Variants in SPATA22 observed in about 807,000 individuals in gnomAD.
SPATA22 encodes spermatogenesis associated 22.
SPATA22 carries 29 observed loss-of-function variants against 47.8 expected under a neutral mutation model. The observed-to-expected ratio is 0.61, with a 90% CI of 0.45 to 0.83. The LOEUF (loss-of-function observed/expected upper bound fraction) is 0.83. SPATA22 is among the 40% of genes least tolerant of loss of function. The pLI, the probability that SPATA22 is intolerant of heterozygous loss-of-function variation, is 0.00. For missense variants in SPATA22, 410 were observed against 421.7 expected (o/e 0.97, Z 0.24); for synonymous variants, 133 against 140.9 (o/e 0.94, Z 0.40).
At chr17:3,473,045 T>C (rs557532478), upstream of SPATA22, among the ~76,000 whole-genome samples, 5 of 150,624 alleles carry the variant, frequency 3.3e-5, no homozygotes, top group Non-Finnish European at 5.9e-5. Context: ...TGACTTGATA[T>C]CTACATACGG....
chr17:3,509,151 T>C (rs1271012777), intron 1 of SPATA22, among the ~76,000 whole-genome samples: 1 of 151,990 alleles, frequency 6.6e-6, no homozygotes, highest in Non-Finnish European at 1.5e-5. Context: ...CTCAAAATAA[T>C]TTGACAGCCA....
At chr17:3,477,025 GGT>G (rs1567609009) in intron 1 of SPATA22, among the ~76,000 whole-genome samples, 6 of 151,850 alleles carry the variant, frequency 4.0e-5, no homozygotes, top group Non-Finnish European at 8.8e-5. Context: ...CGTAGTGGCG[GGT>G]GCCTGTAGTC....
At position 3,454,749 on chromosome 17, in the gene SPATA22, G is replaced by A. The variant is rs536522263; in HGVS notation, c.330-5600C>T. 1.3e-4 allele frequency among the ~76,000 whole-genome samples: 19 copies of A among 151,994 alleles called. No individual in the cohort carries two copies. The East Asian group carries it at 2.1e-3, about 17-fold the overall frequency. ...AGTCTTTGCTATTGTGAATAGTGCC[G>A]CAATAAACATGCGTGTGCATGTGTC... On this transcript the variant is annotated intron_variant, in intron 5 of 8. Coordinates refer to ENST00000572969, the MANE Select transcript of SPATA22 (RefSeq NM_001170698.2).
At chr17:3,466,339 A>G (rs950268908) in intron 3 of SPATA22, among the ~76,000 whole-genome samples, 2 of 152,024 alleles carry the variant, frequency 1.3e-5, no homozygotes, top group Non-Finnish European at 1.5e-5. Flanking sequence ...TTCCTCTTCC[A>G]GAGGAAAGTA....
At chr17:3,443,669 G>T (rs1362359350) in intron 7 of SPATA22, among the ~76,000 whole-genome samples, 1 of 151,948 alleles carries the variant, frequency 6.6e-6, no homozygotes, top group Non-Finnish European at 1.5e-5. Context: ...AGAATCAGGA[G>T]ACATGCATTC....
rs188976748 is a variant in SPATA22, at chr17:3,470,836, G to A, written c.-74+846C>T. Among the ~76,000 whole-genome samples the A allele has an allele frequency of 2.5e-3, 374 of 151,660 alleles. 2 individuals are homozygous for A. Among genetic ancestry groups the A allele is most frequent in the African/African-American group, 8.7e-3 (361 of 41,362 alleles). The stretch of plus-strand genomic sequence containing the variant: ...TTTCCACATCTTAGGCTTGAAGCTG[G>A]GTAGAAGAGATGGACCCTTTAGAAA... On this transcript the variant is annotated intron_variant, in intron 1 of 8. Transcript: ENST00000572969.
chr17:3,492,068 G>A (rs527284158), intron 1 of SPATA22, among the ~76,000 whole-genome samples: 169 of 152,026 alleles, frequency 1.1e-3, no homozygotes, highest in African/African-American at 3.6e-3. Context: ...GTAGAGACAG[G>A]GTTTTGCCAC....
chr17:3,443,221 G>A lies in SPATA22; in HGVS notation c.853C>T (p.Leu285Phe). ...TPGPYYSKTF[L>F]MRDGKNTLPC... The stretch of plus-strand genomic sequence containing the variant: ...AGAGTATTTTTCCCATCCCTCATAA[G>A]AAAAGTCTTCGAATAATATGGGCCA... The change falls in exon 8 of 9, where the codon CTT becomes TTT. Residue 285 changes from leucine to phenylalanine, a missense_variant. Leu to Phe is a conservative substitution (Grantham distance 22). Transcript: ENST00000572969. 1 of 1,610,656 alleles carries A rather than the reference G, an allele frequency of 6.2e-7. No individual in the cohort carries two copies. The highest frequency in any genetic ancestry group is 8.5e-7 in the Non-Finnish European group (1 of 1,178,110).
In SPATA22 at chr17:3,488,120, G is replaced by A. The variant is rs528166014; in HGVS notation, c.-73-18722C>T. ...GTAAAAGAATGCAGTATGTTAATGG[G>A]ATGGAAGAGAATGAGGGTAGTGCAG... On this transcript the variant is annotated intron_variant, in intron 1 of 8. Coordinates refer to the SPATA22 transcript ENST00000541913. This position sits in a 1 kb window ranked among gnomAD's most constrained non-coding sequence, Gnocchi z 6.1. Among the ~76,000 whole-genome samples the A allele has an allele frequency of 5.6e-4, 86 of 152,344 alleles. No individual in the cohort carries two copies. The South Asian group carries it at 7.7e-3, about 14-fold the overall frequency.
At chr17:3,476,421 T>A (rs2073524099), upstream of SPATA22, 7 of 1,598,276 alleles carry the variant, frequency 4.4e-6, no homozygotes, top group East Asian at 1.6e-4. Flanking sequence ...GTATTGTATA[T>A]GTATGTATGT....
upstream of SPATA22, among the ~76,000 whole-genome samples, chr17:3,473,103 T>C (rs1423762459): frequency 7.1e-6 from 1 of 141,480 alleles, no homozygotes; most frequent in Non-Finnish European, 1.6e-5. Context: ...AAAATAGATT[T>C]TTCATTAAAA....
At chr17:3,506,004 C>T (rs2074037755) in intron 1 of SPATA22, among the ~76,000 whole-genome samples, 1 of 152,100 alleles carries the variant, frequency 6.6e-6, no homozygotes, top group Non-Finnish European at 1.5e-5. Flanking sequence ...GTGATCCGCC[C>T]ACCTTGGCCT....
rs533682952 is a variant in SPATA22 at position 3,465,041 on chromosome 17, C to T, written c.173-2274G>A. The stretch of plus-strand genomic sequence containing the variant: ...GTGGGGGGGTCAGCCCCCAGCCCGG[C>T]CAGCCGCCCCGTCCGGGAGGGAGGT... On this transcript the variant is annotated intron_variant, in intron 3 of 8. Coordinates refer to ENST00000572969, the MANE Select transcript of SPATA22 (RefSeq NM_001170698.2). Among the ~76,000 whole-genome samples the T allele has an allele frequency of 1.3e-3, 171 of 133,780 alleles. 4 individuals carry two copies. Among genetic ancestry groups the T allele is most frequent in the African/African-American group, 4.5e-3 (166 of 36,982 alleles). The allele number at this position is 133,780 out of a possible 152,430, so 87.8% of individuals were successfully genotyped here. A position where few individuals can be genotyped will look rare whatever the true frequency, so the allele number is the denominator to read the frequency against.
intron 1 of SPATA22, chr17:3,502,400 G>A (rs1039692113): frequency 6.6e-6 from 1 of 152,150 alleles, no homozygotes; most frequent in Non-Finnish European, 1.5e-5. Flanking sequence ...ATATCTCTGA[G>A]GTATGCCTGT....
rs1342547785 is a variant in SPATA22, at chr17:3,483,544, C to T, written c.-73-14146G>A. 3.1e-6 allele frequency: 5 copies of T among 1,614,176 alleles called. No homozygotes were observed. The highest frequency in any genetic ancestry group is 4.2e-6 in the Non-Finnish European group (5 of 1,180,026). The stretch of plus-strand genomic sequence containing the variant: ...CTGCTACGTTTATCTGATTGAGCAT[C>T]CTTCCCTCAAATATGCGACCACTCG... On this transcript the variant is annotated intron_variant, in intron 1 of 8. Coordinates refer to the SPATA22 transcript ENST00000541913.
intron 3 of SPATA22, among the ~76,000 whole-genome samples, chr17:3,463,988 G>C: frequency 1.6e-5 from 1 of 61,368 alleles, no homozygotes; most frequent in Admixed American, 2.1e-4. Flanking sequence ...TCTCCCCACG[G>C]TCTCCCTCTC....
At position 3,444,502 on chromosome 17, in the gene SPATA22, A is replaced by G. The variant is rs1008943976; in HGVS notation, c.803-1231T>C. 9.9e-5 allele frequency among the ~76,000 whole-genome samples: 15 copies of G among 152,084 alleles called. No homozygotes were observed. In the East Asian group the frequency reaches 2.9e-3, roughly 29 times the overall value. ...AAGAATGTATAGTCTACAAAAATTT[A>G]ATAATCAACTTGCTACCATAAGGAG... is the stretch of plus-strand genomic sequence containing the variant. On this transcript the variant is annotated intron_variant, in intron 7 of 8. Coordinates refer to ENST00000572969, the MANE Select transcript of SPATA22 (RefSeq NM_001170698.2).
At chr17:3,495,809 CA>C (rs1319663470) in intron 1 of SPATA22, among the ~76,000 whole-genome samples, 1 of 152,184 alleles carries the variant, frequency 6.6e-6, no homozygotes, top group Admixed American at 6.5e-5. Flanking sequence ...CATCATGATC[CA>C]CCTGCCTCGG....
At chr17:3,444,879 T>C (rs2150695888) in intron 7 of SPATA22, among the ~76,000 whole-genome samples, 2 of 152,168 alleles carry the variant, frequency 1.3e-5, no homozygotes, top group African/African-American at 4.8e-5. Context: ...GCCTAGGAAC[T>C]CAGGATTATT....
Sources: gnomAD v4.1 joint callset for allele counts (sites outside exome capture counted in the v4.1 genomes callset) on GRCh38, gnomAD v4.1.1 for gene constraint, Gnocchi (gnomAD v3.1) non-coding constraint, MANE v1.5 for transcripts, NCBI Gene and HGNC (gene_info 2026-07-23, HGNC 2026-07-21) for gene names.